WDFY3: variants seen among roughly 807,000 people sequenced by gnomAD.
WDFY3 encodes the protein WD repeat and FYVE domain-containing protein 3.
Under a neutral mutation model 409.6 loss-of-function variants are expected in WDFY3, and 66 were observed. The ratio of observed to expected loss-of-function variants is 0.16; its 90% CI spans 0.13 to 0.20. The LOEUF is 0.20. Ranked by LOEUF, WDFY3 falls within the 10% of genes least tolerant of loss-of-function variation. The pLI, the probability that WDFY3 is intolerant of heterozygous loss-of-function variation, is 1.00. For synonymous variants in WDFY3, 1,521 were observed against 1,537.1 expected (o/e 0.99, Z 0.25); for missense variants, 3,031 against 4,298.1 (o/e 0.71, Z 8.24).
chr4:84,801,898 CATTCTTAGTGAGAAAGATGACA>C (rs1560796875), intron 16 of WDFY3, 34 bp from the exon 17 acceptor site: 1 of 1,587,278 alleles, frequency 6.3e-7, no homozygotes, highest in Non-Finnish European at 8.6e-7. Context: ...ACAGTCAGGT[CATTCTTAGTGAGAAAGATGACA>C]ATTCTTTTCA....
intron 58 of WDFY3, 84 bp downstream of exon 58, chr4:84,695,886 A>AC (rs1730062701): frequency 1.0e-5 from 13 of 1,277,134 alleles, no homozygotes; most frequent in Non-Finnish European, 1.4e-5. Context: ...ATCTAAACTT[A>AC]ATTATTTTGT....
chr4:84,909,436 T>TA (rs891972889), intron 2 of WDFY3, among the ~76,000 whole-genome samples: 19 of 151,214 alleles, frequency 1.3e-4, no homozygotes, highest in South Asian at 1.0e-3. Flanking sequence ...TACAGAAAAA[T>TA]AAAAAAAAAT....
At chr4:84,762,380 G>A (rs1349605162) in intron 32 of WDFY3, among the ~76,000 whole-genome samples, 1 of 149,216 alleles carries the variant, frequency 6.7e-6, no homozygotes, top group African/African-American at 2.5e-5. Flanking sequence ...ACCAAACACT[G>A]CATATTCTCA....
intron 13 of WDFY3, among the ~76,000 whole-genome samples, chr4:84,813,165 C>G (rs1222046326): frequency 6.6e-6 from 1 of 151,988 alleles, no homozygotes; most frequent in East Asian, 1.9e-4. Flanking sequence ...TGGTATATGT[C>G]AGTTGAATGG....
At chr4:84,698,568 G>A (rs1040575665) in intron 56 of WDFY3, among the ~76,000 whole-genome samples, 7 of 152,156 alleles carry the variant, frequency 4.6e-5, no homozygotes, top group Admixed American at 2.6e-4. Flanking sequence ...CCAGTGCTCC[G>A]CCCTTAATTT....
chr4:84,701,436 C>T (rs1731054307), intron 56 of WDFY3, among the ~76,000 whole-genome samples: 1 of 152,074 alleles, frequency 6.6e-6, no homozygotes, highest in African/African-American at 2.4e-5. Flanking sequence ...GTATAGGATA[C>T]AAACACTTCC....
intron 44 of WDFY3, among the ~76,000 whole-genome samples, chr4:84,732,829 G>C (rs1736825362): frequency 6.6e-6 from 1 of 152,062 alleles, no homozygotes; most frequent in Admixed American, 6.5e-5. Context: ...CAGGACTGGG[G>C]TTAAACCAAT....
intron 44 of WDFY3, among the ~76,000 whole-genome samples, chr4:84,731,271 T>C (rs80195488): frequency 0.036 from 5,531 of 152,258 alleles, 301 homozygotes; most frequent in African/African-American, 0.13. Context: ...AGTGGGATAA[T>C]AGATACTACC....
intron 4 of WDFY3, among the ~76,000 whole-genome samples, chr4:84,857,534 G>A (rs183196882): frequency 4.6e-5 from 7 of 151,738 alleles, no homozygotes; most frequent in East Asian, 3.9e-4. Context: ...ACATCATGAC[G>A]TTAAAGTAAA....
intron 23 of WDFY3, among the ~76,000 whole-genome samples, chr4:84,786,663 C>T (rs1300752881): frequency 3.9e-5 from 6 of 152,128 alleles, no homozygotes; most frequent in African/African-American, 1.2e-4. Flanking sequence ...GTCTTTGTGC[C>T]TCAGTTTCCT....
Position 84,721,404 on chromosome 4 carries a change from A to G in WDFY3, c.7605+5T>C. 1 of 1,613,380 alleles carries G rather than the reference A, an allele frequency of 6.2e-7. No individual in the cohort carries two copies. The highest frequency in any genetic ancestry group is 8.5e-7 in the Non-Finnish European group (1 of 1,179,962). On this transcript the variant is annotated splice_donor_5th_base_variant and intron_variant, in intron 47 of 67. Transcript: ENST00000295888. ...TACAATCCTTACTTTTCAGAAGCAC[A>G]ATACCTTTTCTCCTTCCTCTAACAG...
intron 2 of WDFY3, among the ~76,000 whole-genome samples, chr4:84,927,581 T>A (rs571495984): frequency 2.0e-5 from 3 of 152,160 alleles, no homozygotes; most frequent in Non-Finnish European, 4.4e-5. Context: ...ATAATCCCCA[T>A]GTGTCAAGGG....
intron 47 of WDFY3, among the ~76,000 whole-genome samples, chr4:84,720,402 G>A (rs1036255963): frequency 6.6e-6 from 1 of 152,156 alleles, no homozygotes; most frequent in Non-Finnish European, 1.5e-5. Context: ...GTAAAAGGAA[G>A]GGGGCATTTT....
Position 84,678,955 on chromosome 4 carries a change from G to T in WDFY3, c.10111C>A (p.Pro3371Thr), listed in dbSNP as rs1726838383. The change falls in exon 65 of 68, where the codon CCC (proline) becomes ACC (threonine). Residue 3371 changes from proline (P) to threonine (T), a missense_variant. By Grantham distance (38) the Pro-to-Thr change is conservative. Around this residue, in one of 16 missense-constraint regions of WDFY3, gnomAD observed 378 missense variants for 477.3 expected, o/e 0.79. Transcript: ENST00000295888. Reference protein sequence around the residue: ...QGPLSHPHPNPIEVRNYSRLK... With the variant: ...QGPLSHPHPNTIEVRNYSRLK... ...CTGCTGTAATTCCGCACCTCAATGG[G>T]ATTGGGGTGGGGGTGGCTAAGGGGG... The T allele has an allele frequency of 1.2e-6, 2 of 1,613,964 alleles. No homozygotes were observed. The highest frequency in any genetic ancestry group is 1.3e-5 in the African/African-American group (1 of 74,922).
rs192191560 is a variant in WDFY3 at position 84,931,996 on chromosome 4, T to C, written c.-132+274A>G. On this transcript the variant is annotated intron_variant, in intron 2 of 67. Transcript: ENST00000295888. ...TTAAAAATATGACTTTCATCATCTGTAGGTACCTACAAGAAAAGTAATATT... is the reference window on the plus strand; with the variant it reads ...TTAAAAATATGACTTTCATCATCTGCAGGTACCTACAAGAAAAGTAATATT... Among the ~76,000 whole-genome samples, 283 of 152,308 alleles carry C rather than the reference T, an allele frequency of 1.9e-3. 2 individuals carry two copies. Among genetic ancestry groups the C allele is most frequent in the Non-Finnish European group, 2.1e-4 (14 of 68,034 alleles).
At chr4:84,761,290 G>A (rs1236766966) in intron 32 of WDFY3, among the ~76,000 whole-genome samples, 1 of 152,130 alleles carries the variant, frequency 6.6e-6, no homozygotes, top group African/African-American at 2.4e-5. Flanking sequence ...CTGTTGATTT[G>A]GGGTGGAGAG....
Position 84,830,162 on chromosome 4 carries a change from T to C in WDFY3, c.770-972A>G, listed in dbSNP as rs187767924. 5.9e-5 allele frequency among the ~76,000 whole-genome samples: 9 copies of C among 152,274 alleles called. No homozygotes were observed. In the East Asian group the frequency reaches 7.7e-4, roughly 13 times the overall value. The stretch of plus-strand genomic sequence containing the variant: ...CACTTAATAAATGTAAGTGAACAAA[T>C]TGGTGTATTAATTATTTTGAAAGAG... On this transcript the variant is annotated intron_variant, in intron 8 of 67. Coordinates refer to ENST00000295888, the MANE Select transcript of WDFY3 (RefSeq NM_014991.6).
rs549305781 is a variant in WDFY3 at position 84,749,083 on chromosome 4, C to T, written c.5973+2400G>A. On this transcript the variant is annotated intron_variant, in intron 36 of 67. Transcript: ENST00000295888. ...TAATTTTTTTGTAAAGATGGGATTT[C>T]ACCTGTTGCCCGGGTTGGTCTTGAA... Among the ~76,000 whole-genome samples the T allele has an allele frequency of 2.4e-3, 368 of 152,130 alleles. 1 individual carries two copies. Among genetic ancestry groups the T allele is most frequent in the Non-Finnish European group, 3.4e-3 (234 of 67,984 alleles).
At chr4:84,947,674 C>T (rs977136389) in intron 1 of WDFY3, among the ~76,000 whole-genome samples, 1 of 143,000 alleles carries the variant, frequency 7.0e-6, no homozygotes, top group Non-Finnish European at 1.5e-5. Flanking sequence ...AGTTCAAGAC[C>T]AGCCTGAGCA....
Sources: gnomAD v4.1 joint callset for allele counts (sites outside exome capture counted in the v4.1 genomes callset) on GRCh38, gnomAD v4.1.1 for gene constraint, gnomAD v4.1.1 regional missense constraint, MANE v1.5 for transcripts, NCBI Gene and HGNC (gene_info 2026-07-23, HGNC 2026-07-21) for gene names.